The following USP15 variants were observed in gnomAD, a reference collection of about 807,000 sequenced individuals.
USP15 encodes the protein ubiquitin specific peptidase 15.
In USP15, 18 loss-of-function variants were observed where a neutral mutation model predicts 127.1. The ratio of observed to expected loss-of-function variants is 0.14; its 90% CI spans 0.10 to 0.21. The LOEUF is 0.21. Ranked by LOEUF, USP15 falls within the 10% of genes least tolerant of loss-of-function variation. USP15 has a pLI of 1.00. For synonymous variants in USP15, 364 were observed against 393.7 expected, an observed-to-expected ratio of 0.92 and a Z score of 0.89; for missense variants, 805 against 1,159.9, an observed-to-expected ratio of 0.69 and a Z score of 4.44.
At chr12:62,373,536 T>G (rs1053139114) in intron 8 of USP15, among the ~76,000 whole-genome samples, 3 of 152,004 alleles carry the variant, frequency 2.0e-5, no homozygotes, top group African/African-American at 7.2e-5. Flanking sequence ...GACAACATCC[T>G]TGTCCAGTTC....
At chr12:62,360,623 T>A (rs2066285650) in intron 8 of USP15, among the ~76,000 whole-genome samples, 1 of 152,076 alleles carries the variant, frequency 6.6e-6, no homozygotes, top group South Asian at 2.1e-4. Context: ...AGTTTAACAC[T>A]AAACCTTCTA....
intron 8 of USP15, among the ~76,000 whole-genome samples, chr12:62,378,275 A>G (rs1487658227): frequency 6.6e-6 from 1 of 152,176 alleles, no homozygotes; most frequent in Non-Finnish European, 1.5e-5. Context: ...AAAGGATGGT[A>G]TTTTTATGAG....
At chr12:62,399,399 T>G (rs1324741166) in intron 20 of USP15, among the ~76,000 whole-genome samples, 1 of 152,186 alleles carries the variant, frequency 6.6e-6, no homozygotes, top group African/African-American at 2.4e-5. Flanking sequence ...GTCATATTAG[T>G]TGTCAAATAT....
intron 1 of USP15, among the ~76,000 whole-genome samples, chr12:62,291,685 G>T (rs919386467): frequency 2.0e-5 from 3 of 152,168 alleles, no homozygotes; most frequent in African/African-American, 4.8e-5. Context: ...TTCCCTTGAG[G>T]ATGTGACTGT....
intron 1 of USP15, among the ~76,000 whole-genome samples, chr12:62,271,485 A>G (rs2063343948): frequency 6.6e-6 from 1 of 151,976 alleles, no homozygotes; most frequent in Admixed American, 6.6e-5. Flanking sequence ...TATGATACAA[A>G]ATACTTTTAA....
At chr12:62,346,888 C>T (rs778880821) in intron 6 of USP15, among the ~76,000 whole-genome samples, 1 of 152,156 alleles carries the variant, frequency 6.6e-6, no homozygotes, top group Non-Finnish European at 1.5e-5. Flanking sequence ...ATGGTTTCTA[C>T]ATGATTTCTA....
intron 1 of USP15, among the ~76,000 whole-genome samples, chr12:62,285,035 G>A (rs2063750653): frequency 6.6e-6 from 1 of 152,094 alleles, no homozygotes; most frequent in Non-Finnish European, 1.5e-5. Flanking sequence ...AACAGTCAGA[G>A]ATAGTATTGT....
intron 6 of USP15, chr12:62,328,210 G>A (rs769249123): frequency 1.7e-5 from 7 of 402,682 alleles, no homozygotes; most frequent in South Asian, 1.1e-4. Flanking sequence ...ATTCAGCAAG[G>A]TTGTCTAATA....
intron 1 of USP15, among the ~76,000 whole-genome samples, chr12:62,280,001 G>T (rs746274062): frequency 5.3e-5 from 8 of 151,722 alleles, no homozygotes; most frequent in Non-Finnish European, 7.4e-5. Context: ...TGTAACCTTG[G>T]GCAAGTTAAT....
chr12:62,394,114 C>G (rs1029007517), intron 19 of USP15, among the ~76,000 whole-genome samples: 8 of 152,178 alleles, frequency 5.3e-5, no homozygotes, highest in African/African-American at 1.9e-4. Flanking sequence ...CACACTTTAT[C>G]TCTCTTTTTT....
At chr12:62,281,461 T>C (rs912788207) in intron 1 of USP15, among the ~76,000 whole-genome samples, 7 of 152,164 alleles carry the variant, frequency 4.6e-5, no homozygotes, top group Non-Finnish European at 1.5e-5. Flanking sequence ...CTCAGCCTCC[T>C]GAGTAGCTGG....
intron 8 of USP15, among the ~76,000 whole-genome samples, chr12:62,361,445 A>G (rs1240977737): frequency 6.6e-6 from 1 of 152,016 alleles, no homozygotes; most frequent in Non-Finnish European, 1.5e-5. Context: ...TCTTTTAAAG[A>G]GTTGTAAATT....
At chr12:62,357,979 T>C (rs2066189521) in intron 8 of USP15, among the ~76,000 whole-genome samples, 1 of 152,126 alleles carries the variant, frequency 6.6e-6, no homozygotes, top group Non-Finnish European at 1.5e-5. Context: ...TCAGTATGCT[T>C]TTTTCAAGTT....
Position 62,414,708 on chromosome 12 carries a change from A to T in USP15, c.*10333A>T, listed in dbSNP as rs1465499698. The T allele has an allele frequency of 6.6e-6, 1 of 151,510 alleles. No individual in the cohort carries two copies. Among genetic ancestry groups the T allele is most frequent in the Non-Finnish European group, 1.5e-5 (1 of 67,992 alleles). 9.4% of individuals were successfully genotyped at this position (151,510 alleles called of 1,614,324 possible). On this transcript the variant is annotated 3_prime_UTR_variant, in exon 22 of 22. Transcript: ENST00000280377. ...GCCTATAATGTAGCATCCCATTTTTAAAAATAGAAGTGTGTATTCAGGGTG... is the reference window on the plus strand; with the variant it reads ...GCCTATAATGTAGCATCCCATTTTTTAAAATAGAAGTGTGTATTCAGGGTG...
intron 8 of USP15, among the ~76,000 whole-genome samples, chr12:62,368,956 C>T (rs550916351): frequency 3.9e-5 from 6 of 152,058 alleles, no homozygotes; most frequent in Admixed American, 6.5e-5. Flanking sequence ...TTGTTCTTTC[C>T]GTGTTTTTAG....
intron 1 of USP15, among the ~76,000 whole-genome samples, chr12:62,286,189 GA>G (rs1004257153): frequency 1.1e-4 from 17 of 150,418 alleles, no homozygotes; most frequent in Non-Finnish European, 2.4e-4. Flanking sequence ...AACTTAATAA[GA>G]AAAAAAACGC....
intron 3 of USP15, among the ~76,000 whole-genome samples, chr12:62,312,647 A>T (rs1026123878): frequency 1.3e-5 from 2 of 151,664 alleles, no homozygotes; most frequent in Non-Finnish European, 3.0e-5. Flanking sequence ...CATTATAACT[A>T]TCATCTATAA....
At position 62,389,527 on chromosome 12, in the gene USP15, TG is replaced by T. The variant is rs749486507; in HGVS notation, c.1557+17del. ...ACCTGCAGATAAGGTAAGATGTTTC[TG>T]GGGTTGAAGTATATAAGTTGGTATT... On this transcript the variant is annotated intron_variant, in intron 12 of 21. Coordinates refer to ENST00000280377, the MANE Select transcript of USP15 (RefSeq NM_001252078.2). 6.2e-7 allele frequency: 1 copy of T among 1,613,230 alleles called. No homozygotes were observed. The highest frequency in any genetic ancestry group is 1.7e-5 in the Admixed American group (1 of 59,904).
chr12:62,269,874 C>T (rs946622502), intron 1 of USP15, among the ~76,000 whole-genome samples: 1 of 152,112 alleles, frequency 6.6e-6, no homozygotes, highest in Non-Finnish European at 1.5e-5. Context: ...CTGCTATGAA[C>T]ATCCATTACA....
Sources: allele counts gnomAD v4.1 joint callset (sites outside exome capture counted in the v4.1 genomes callset), GRCh38; gene constraint gnomAD v4.1.1; transcripts MANE v1.5; gene names NCBI Gene and HGNC (gene_info 2026-07-23, HGNC 2026-07-21).